Variants in KDM5A observed in about 807,000 individuals in gnomAD.
KDM5A encodes lysine demethylase 5A.
KDM5A carries 42 observed loss-of-function variants against 193.5 expected under a neutral mutation model. The observed-to-expected ratio is 0.22, with a 90% CI of 0.17 to 0.28. The LOEUF is 0.28. Among genes scored for constraint, KDM5A ranks in the 10% least tolerant of loss-of-function variants. The pLI is 1.00. For synonymous variants in KDM5A, 796 were observed against 718.1 expected (o/e 1.11, Z -1.73); for missense variants, 1,692 against 2,055.1 (o/e 0.82, Z 3.42).
At chr12:322,364 T>TA in intron 17 of KDM5A, 53 bp downstream of exon 17, 1 of 1,587,786 alleles carries the variant, frequency 6.3e-7, no homozygotes, top group Non-Finnish European at 8.6e-7. Context: ...TTTTGGTTTT[T>TA]ACTCTGAAAG....
chr12:362,506 A>C (rs1175979892), intron 5 of KDM5A, among the ~76,000 whole-genome samples: 1 of 152,230 alleles, frequency 6.6e-6, no homozygotes, highest in African/African-American at 2.4e-5. Flanking sequence ...AAACCTATTC[A>C]TCTCACTTCT....
In KDM5A at chr12:321,043, T is replaced by C. The variant is rs746496631; in HGVS notation, c.2493A>G (p.Gln831=). ...TGACACACGGAAGACTAAAAAGTTG[T>C]TGGACAAAGGCCTTCAATTCTTCCA... ...LTVEELKAFV[Q]QLFSLPCVIS... is the part of the protein sequence containing the mutation. The change falls in exon 18 of 28, where the codon CAA becomes CAG. Residue 831 remains glutamine (Q), a synonymous_variant. Transcript: ENST00000399788. 3 of 1,614,094 alleles carry C rather than the reference T, an allele frequency of 1.9e-6. No individual in the cohort carries two copies. Among genetic ancestry groups the C allele is most frequent in the Non-Finnish European group, 2.5e-6 (3 of 1,180,018 alleles).
At chr12:296,343 G>C (rs1444894999) in intron 25 of KDM5A, among the ~76,000 whole-genome samples, 1 of 151,248 alleles carries the variant, frequency 6.6e-6, no homozygotes, top group Non-Finnish European at 1.5e-5. Flanking sequence ...AAAAAAAGTG[G>C]TTCTTTATCC....
chr12:315,198 A>G (rs1015811484), intron 19 of KDM5A, among the ~76,000 whole-genome samples: 13 of 152,382 alleles, frequency 8.5e-5, no homozygotes, highest in African/African-American at 3.1e-4. Flanking sequence ...AAAACAGCAG[A>G]GAGAATGATA....
chr12:322,989 CT>C (rs1399894098), intron 16 of KDM5A, 92 bp downstream of exon 16: 1 of 1,550,770 alleles, frequency 6.4e-7, no homozygotes, highest in Non-Finnish European at 8.8e-7. Context: ...TAGGATTTTT[CT>C]TTTACGGAAG....
At chr12:382,662 C>T (rs1465739330) in intron 3 of KDM5A, among the ~76,000 whole-genome samples, 1 of 152,098 alleles carries the variant, frequency 6.6e-6, no homozygotes, top group Non-Finnish European at 1.5e-5. Context: ...CGCGGTGGCT[C>T]ACGCCTGTAA....
At chr12:349,501 T>G (rs748716452) in intron 10 of KDM5A, among the ~76,000 whole-genome samples, 2 of 151,884 alleles carry the variant, frequency 1.3e-5, no homozygotes, top group African/African-American at 4.8e-5. Context: ...GGCTAATTTT[T>G]GTATTTTTAG....
At chr12:286,199 T>C (rs1409006007) in intron 27 of KDM5A, 1 of 503,488 alleles carries the variant, frequency 2.0e-6, no homozygotes, top group Admixed American at 2.1e-5. Flanking sequence ...CCGTTACAAA[T>C]ACAACTCCCT....
rs1244473202 is a variant in KDM5A at position 318,084 on chromosome 12, ACTGT to A, written c.2897+18_2897+21del. The A allele has an allele frequency of 2.5e-6, 4 of 1,571,722 alleles. No individual in the cohort carries two copies. The highest frequency in any genetic ancestry group is 3.5e-6 in the Non-Finnish European group (4 of 1,141,586). On this transcript the variant is annotated intron_variant, in intron 19 of 27. Coordinates refer to ENST00000399788, the MANE Select transcript of KDM5A (RefSeq NM_001042603.3). ...TTCTGACTTAGTTGTTAAAGAGGCA[ACTGT>A]CACCAAAATGTGTTCACCTTGCCTG...
At position 385,885 on chromosome 12, in the gene KDM5A, C is replaced by T. The variant is rs1944632145; in HGVS notation, c.243+12G>A. The T allele has an allele frequency of 6.2e-7, 1 of 1,609,048 alleles. No individual in the cohort carries two copies. Among genetic ancestry groups the T allele is most frequent in the Admixed American group, 1.7e-5 (1 of 59,968 alleles). On this transcript the variant is annotated intron_variant, in intron 2 of 27. Coordinates refer to ENST00000399788, the MANE Select transcript of KDM5A (RefSeq NM_001042603.3). ...ATGAATCAGGAAGCAGAAATAGTGA[C>T]AAAACACTTACCTCAAGTTCATTCA...
At chr12:340,492 G>A (rs867242621) in intron 10 of KDM5A, among the ~76,000 whole-genome samples, 15 of 151,914 alleles carry the variant, frequency 9.9e-5, no homozygotes, top group Non-Finnish European at 1.6e-4. Context: ...TCAGTAGTTC[G>A]AGACCAGCCT....
chr12:322,931 T>A, intron 16 of KDM5A, 151 bp downstream of exon 16: 1 of 981,406 alleles, frequency 1.0e-6, no homozygotes. Context: ...AATAGAAAAT[T>A]AAGTCTATAT....
chr12:362,755 A>T (rs1454319653), intron 5 of KDM5A, among the ~76,000 whole-genome samples: 1 of 152,206 alleles, frequency 6.6e-6, no homozygotes, highest in Non-Finnish European at 1.5e-5. Flanking sequence ...GCCTCCCGTG[A>T]CCAGGTAACT....
In KDM5A at chr12:384,095, TG is replaced by T; in HGVS notation, c.301del (p.Gln101LysfsTer5). ...LDQLAKFWEL[Q>X]GSTLKIPVVE... is the part of the protein sequence containing the mutation. ...CACAGGGATCTTCAGAGTAGATCCT[TG>T]AAGTTCCCAAAATTTTGCTAGTTGA... On this transcript the variant is annotated frameshift_variant, in exon 3 of 28. Coordinates refer to ENST00000399788, the MANE Select transcript of KDM5A (RefSeq NM_001042603.3). LOFTEE classifies it high-confidence loss of function. The T allele has an allele frequency of 6.2e-7, 1 of 1,611,532 alleles. No individual in the cohort carries two copies. The highest frequency in any genetic ancestry group is 8.5e-7 in the Non-Finnish European group (1 of 1,177,608).
At chr12:357,821 C>CA (rs1351712715) in intron 5 of KDM5A, among the ~76,000 whole-genome samples, 2 of 15,942 alleles carry the variant, frequency 1.3e-4, no homozygotes, top group Admixed American at 9.7e-4. Flanking sequence ...GAGCAAGACT[C>CA]AGTCTCAAAA....
rs572570430 is a variant in KDM5A at position 350,509 on chromosome 12, C to T, written c.1308+112G>A. On this transcript the variant is annotated intron_variant, in intron 10 of 27. Coordinates refer to ENST00000399788, the MANE Select transcript of KDM5A (RefSeq NM_001042603.3). The stretch of plus-strand genomic sequence containing the variant: ...TTTTCAAAACTGAAGATTATTTATA[C>T]TGCCAAATCCTACGTATTTAATATT... 2.0e-5 allele frequency: 19 copies of T among 961,420 alleles called. No homozygotes were observed. The African/African-American group carries it at 2.8e-4, about 14-fold the overall frequency. 59.6% of individuals were successfully genotyped at this position (961,420 alleles called of 1,614,324 possible).
Position 345,613 on chromosome 12 carries a change from A to C in KDM5A, c.1308+5008T>G, listed in dbSNP as rs1288400561. Among the ~76,000 whole-genome samples, 6 of 152,220 alleles carry C rather than the reference A, an allele frequency of 3.9e-5. No individual in the cohort carries two copies. In the East Asian group the frequency reaches 1.2e-3, roughly 29 times the overall value. ...ATTAGAACTCAGGATTAAGAAACTC[A>C]AATCAAAACCGCACAACTACATGGA... On this transcript the variant is annotated intron_variant, in intron 10 of 27. Coordinates refer to ENST00000399788, the MANE Select transcript of KDM5A (RefSeq NM_001042603.3).
chr12:292,631 CAA>C (rs1943311382), intron 27 of KDM5A, 126 bp downstream of exon 27: 1 of 1,153,496 alleles, frequency 8.7e-7, no homozygotes, highest in African/African-American at 1.5e-5. Flanking sequence ...AGAAATTGTA[CAA>C]AAGACATTAT....
At chr12:334,149 T>C (rs539886378) in intron 11 of KDM5A, 92 bp downstream of exon 11, 869 of 1,167,592 alleles carry the variant, frequency 7.4e-4, no homozygotes, top group Non-Finnish European at 1.0e-3. Context: ...AATATACTTC[T>C]GTCTATAAAC....
Sources: gnomAD v4.1 joint callset for allele counts (sites outside exome capture counted in the v4.1 genomes callset) on GRCh38, gnomAD v4.1.1 for gene constraint, MANE v1.5 for transcripts, NCBI Gene and HGNC (gene_info 2026-07-23, HGNC 2026-07-21) for gene names.